CNTNAP2: variants seen among roughly 807,000 people sequenced by gnomAD.
CNTNAP2 encodes contactin associated protein 2.
Under a neutral mutation model 155.2 loss-of-function variants are expected in CNTNAP2, and 98 were observed. The ratio of observed to expected loss-of-function variants is 0.63; its 90% confidence interval spans 0.54 to 0.75. CNTNAP2 has a LOEUF of 0.75. Ranked by LOEUF, CNTNAP2 falls within the 30% of genes least tolerant of loss-of-function variation. CNTNAP2 has a pLI of 0.00. For synonymous variants in CNTNAP2, 651 were observed against 631.2 expected (o/e 1.03, Z -0.47); for missense variants, 1,727 against 1,688.1 (o/e 1.02, Z -0.40).
intron 1 of CNTNAP2, among the ~76,000 whole-genome samples, chr7:146,451,674 A>G (rs1639473): frequency 0.029 from 4,471 of 151,992 alleles, 226 homozygotes; most frequent in African/African-American, 0.1. Context: ...TGAGCTTTCT[A>G]TACCTCACAA....
intron 3 of CNTNAP2, among the ~76,000 whole-genome samples, chr7:146,976,742 A>G (rs540171431): frequency 1.3e-5 from 2 of 152,116 alleles, no homozygotes; most frequent in Non-Finnish European, 2.9e-5. Flanking sequence ...TGAAGCATGG[A>G]GAAATGTCAT....
chr7:146,152,168 G>A (rs962735514), intron 1 of CNTNAP2, among the ~76,000 whole-genome samples: 1 of 151,936 alleles, frequency 6.6e-6, no homozygotes, highest in African/African-American at 2.4e-5. Context: ...ATACACAATG[G>A]AATACAATTT....
At chr7:147,610,770 G>T (rs948293107) in intron 12 of CNTNAP2, among the ~76,000 whole-genome samples, 1 of 152,128 alleles carries the variant, frequency 6.6e-6, no homozygotes, top group Admixed American at 6.5e-5. Context: ...ATAGAGTCTA[G>T]CTCTGTTGCC....
chr7:147,472,407 T>A (rs1332026648), intron 10 of CNTNAP2, among the ~76,000 whole-genome samples: 1 of 151,942 alleles, frequency 6.6e-6, no homozygotes, highest in Non-Finnish European at 1.5e-5. Context: ...GAGATGGGGT[T>A]TCACAACATT....
At chr7:147,771,007 A>G (rs1217027881) in intron 13 of CNTNAP2, among the ~76,000 whole-genome samples, 1 of 152,202 alleles carries the variant, frequency 6.6e-6, no homozygotes, top group East Asian at 1.9e-4. Flanking sequence ...TAAACACATA[A>G]ATTAATGGAA....
chr7:148,196,631 C>G (rs988310071), intron 18 of CNTNAP2, among the ~76,000 whole-genome samples: 1 of 152,166 alleles, frequency 6.6e-6, no homozygotes, highest in African/African-American at 2.4e-5. Flanking sequence ...TTAATAGACC[C>G]ATTTTACTAA....
At chr7:147,671,273 G>A (rs1186003448) in intron 13 of CNTNAP2, among the ~76,000 whole-genome samples, 1 of 152,206 alleles carries the variant, frequency 6.6e-6, no homozygotes, top group Non-Finnish European at 1.5e-5. Context: ...AAAGGCTCGG[G>A]GAAATATCCT....
intron 15 of CNTNAP2, among the ~76,000 whole-genome samples, chr7:148,041,302 G>C (rs1448813777): frequency 6.6e-6 from 1 of 152,214 alleles, no homozygotes; most frequent in Non-Finnish European, 1.5e-5. Context: ...GATGCAGTGT[G>C]ACAGCAAGTC....
At chr7:147,575,843 C>G (rs936543941) in intron 12 of CNTNAP2, among the ~76,000 whole-genome samples, 2 of 151,806 alleles carry the variant, frequency 1.3e-5, no homozygotes, top group African/African-American at 4.8e-5. Context: ...ATTCTTTCAT[C>G]TATTGTGTTT....
intron 20 of CNTNAP2, among the ~76,000 whole-genome samples, chr7:148,231,687 G>A (rs149500826): frequency 1.3e-3 from 194 of 152,154 alleles, no homozygotes; most frequent in African/African-American, 4.4e-3. Flanking sequence ...TTTTGTTACC[G>A]GAAGAAGGGG....
At chr7:146,764,982 C>T (rs901664464) in intron 1 of CNTNAP2, among the ~76,000 whole-genome samples, 17 of 151,990 alleles carry the variant, frequency 1.1e-4, no homozygotes, top group Non-Finnish European at 5.9e-5. Context: ...AAAAGAAGTT[C>T]CCTTCCTCAG....
intron 10 of CNTNAP2, among the ~76,000 whole-genome samples, chr7:147,443,587 A>G (rs879196292): frequency 3.3e-5 from 5 of 152,104 alleles, no homozygotes; most frequent in Admixed American, 2.0e-4. Context: ...TCGGTGTCCT[A>G]GTAGGGGGAT....
chr7:148,150,938 T>C (rs147120279), intron 17 of CNTNAP2, among the ~76,000 whole-genome samples: 297 of 151,826 alleles, frequency 2.0e-3, no homozygotes, highest in African/African-American at 6.8e-3. Flanking sequence ...CAGGCTGATC[T>C]CAAACTCCTG....
intron 3 of CNTNAP2, among the ~76,000 whole-genome samples, chr7:147,002,300 G>C (rs1328133182): frequency 1.3e-5 from 2 of 152,024 alleles, no homozygotes. Context: ...AGGTTCTGCA[G>C]CTTCCTGTGG....
chr7:148,176,028 C>T (rs949392272), intron 18 of CNTNAP2, among the ~76,000 whole-genome samples: 4 of 151,878 alleles, frequency 2.6e-5, no homozygotes. Context: ...GTGAAATTAC[C>T]GTGTCTTGTC....
At chr7:146,742,548 G>A (rs1192282731) in intron 1 of CNTNAP2, among the ~76,000 whole-genome samples, 1 of 152,184 alleles carries the variant, frequency 6.6e-6, no homozygotes, top group African/African-American at 2.4e-5. Context: ...TGAGAGATTA[G>A]CATGGGGTTG....
At chr7:146,789,616 A>C (rs1802635912) in intron 2 of CNTNAP2, among the ~76,000 whole-genome samples, 1 of 151,706 alleles carries the variant, frequency 6.6e-6, no homozygotes, top group African/African-American at 2.4e-5. Context: ...AAAAAAGACA[A>C]ACCTGTACTC....
intron 15 of CNTNAP2, among the ~76,000 whole-genome samples, chr7:148,068,595 A>G (rs1803314982): frequency 6.6e-6 from 1 of 152,188 alleles, no homozygotes; most frequent in Non-Finnish European, 1.5e-5. Flanking sequence ...AAATTAACTT[A>G]TTGAAAACAG....
At chr7:147,749,367 T>C (rs1290848640) in intron 13 of CNTNAP2, among the ~76,000 whole-genome samples, 2 of 152,202 alleles carry the variant, frequency 1.3e-5, no homozygotes, top group Admixed American at 6.5e-5. Context: ...CTGTTTTACA[T>C]ATTTAAGTTT....
Sources: allele counts gnomAD v4.1 joint callset (sites outside exome capture counted in the v4.1 genomes callset), GRCh38; gene constraint gnomAD v4.1.1; transcripts MANE v1.5; gene names NCBI Gene and HGNC (gene_info 2026-07-23, HGNC 2026-07-21).